Variants in SHROOM3 observed in about 807,000 individuals in gnomAD.
SHROOM3 encodes shroom family member 3, also known as protein Shroom3.
In SHROOM3, 47 loss-of-function variants were observed where a neutral mutation model predicts 138.6. The observed-to-expected ratio is 0.34, with a 90% confidence interval of 0.27 to 0.43. SHROOM3 has a LOEUF of 0.43. SHROOM3 is among the 20% of genes least tolerant of loss of function. SHROOM3 has a pLI of 1.00. For missense variants in SHROOM3, 2,491 were observed against 2,596.5 expected, an observed-to-expected ratio of 0.96 and a Z score of 0.88; for synonymous variants, 1,062 against 1,063.3, an observed-to-expected ratio of 1.00 and a Z score of 0.02.
intron 1 of SHROOM3, among the ~76,000 whole-genome samples, chr4:76,534,934 T>C (rs1249837684): frequency 2.6e-5 from 4 of 152,134 alleles, no homozygotes; most frequent in East Asian, 1.9e-4. Context: ...CCCAGATCCA[T>C]TTTTGCATGA....
At chr4:76,681,295 T>C (rs886618250) in intron 2 of SHROOM3, among the ~76,000 whole-genome samples, 9 of 152,132 alleles carry the variant, frequency 5.9e-5, no homozygotes, top group African/African-American at 2.2e-4. Flanking sequence ...AAATATCCTC[T>C]CCTCTGTTTG....
Position 76,779,230 on chromosome 4 carries a change from A to G in SHROOM3, c.*53A>G, listed in dbSNP as rs759848267. On this transcript the variant is annotated 3_prime_UTR_variant, in exon 11 of 11. Transcript: ENST00000296043. The stretch of plus-strand genomic sequence containing the variant: ...TCACTGTTTCTCTCAACACTATTTA[A>G]TCTGAAAAATGTTTCAGTACAAACC... The G allele has an allele frequency of 1.8e-4, 271 of 1,538,150 alleles. No individual in the cohort carries two copies. The highest frequency in any genetic ancestry group is 7.6e-4 in the Admixed American group (38 of 50,056).
chr4:76,776,018 T>C (rs938744774), intron 10 of SHROOM3, among the ~76,000 whole-genome samples: 4 of 152,168 alleles, frequency 2.6e-5, no homozygotes, highest in Non-Finnish European at 1.5e-5. Flanking sequence ...GATCAAATGA[T>C]AGATGTACTT....
chr4:76,441,086 GTTT>G (rs374530154), intron 1 of SHROOM3, among the ~76,000 whole-genome samples: 1 of 82,182 alleles, frequency 1.2e-5, no homozygotes, highest in Non-Finnish European at 2.2e-5. Context: ...AGTTCAATTT[GTTT>G]TTTTTTTTTT....
chr4:76,588,282 G>GA (rs1734191728), intron 2 of SHROOM3, among the ~76,000 whole-genome samples: 1 of 152,160 alleles, frequency 6.6e-6, no homozygotes, highest in Admixed American at 6.5e-5. Flanking sequence ...TTTATTCCAA[G>GA]AACAATATCA....
intron 2 of SHROOM3, chr4:76,587,387 CTT>C (rs1734177615): frequency 6.6e-6 from 1 of 152,018 alleles, no homozygotes; most frequent in South Asian, 2.1e-4. Flanking sequence ...GTAAAGTTCT[CTT>C]TATAAATCTA....
At chr4:76,650,548 TA>T in intron 2 of SHROOM3, among the ~76,000 whole-genome samples, 1 of 151,244 alleles carries the variant, frequency 6.6e-6, no homozygotes, top group East Asian at 1.9e-4. Context: ...TTTATTTATT[TA>T]TTTATTTATT....
intron 2 of SHROOM3, among the ~76,000 whole-genome samples, chr4:76,588,227 A>G (rs1055113784): frequency 1.3e-5 from 2 of 152,226 alleles, no homozygotes; most frequent in Admixed American, 1.3e-4. Context: ...GGCACTCCAA[A>G]TATGTAATTT....
intron 2 of SHROOM3, among the ~76,000 whole-genome samples, chr4:76,615,893 C>T (rs368750599): frequency 2.6e-5 from 4 of 152,118 alleles, no homozygotes; most frequent in African/African-American, 4.8e-5. Context: ...AGGAACTCCA[C>T]GCTAATCTCC....
chr4:76,544,323 C>T (rs989116922), intron 1 of SHROOM3, among the ~76,000 whole-genome samples: 5 of 151,612 alleles, frequency 3.3e-5, no homozygotes, highest in African/African-American at 4.9e-5. Context: ...ATTGCAACCA[C>T]GTGCTAATTC....
intron 1 of SHROOM3, among the ~76,000 whole-genome samples, chr4:76,498,071 C>A (rs1732006775): frequency 1.3e-5 from 2 of 152,100 alleles, no homozygotes; most frequent in Admixed American, 1.3e-4. Flanking sequence ...CCTTCTGTGT[C>A]AATTATAGTT....
At chr4:76,692,813 C>T (rs1468423695) in intron 2 of SHROOM3, among the ~76,000 whole-genome samples, 1 of 152,178 alleles carries the variant, frequency 6.6e-6, no homozygotes, top group Non-Finnish European at 1.5e-5. Flanking sequence ...TAATCTATGA[C>T]AGAAGTCAGT....
At chr4:76,594,712 A>G (rs1199701745) in intron 2 of SHROOM3, among the ~76,000 whole-genome samples, 1 of 152,222 alleles carries the variant, frequency 6.6e-6, no homozygotes, top group Non-Finnish European at 1.5e-5. Flanking sequence ...TGGGGAGGGA[A>G]CAGGGAACCA....
At chr4:76,527,633 GATTA>G (rs1372967708) in intron 1 of SHROOM3, among the ~76,000 whole-genome samples, 1 of 152,198 alleles carries the variant, frequency 6.6e-6, no homozygotes, top group African/African-American at 2.4e-5. Flanking sequence ...AAAAGAGATT[GATTA>G]ATTAAGCACT....
intron 2 of SHROOM3, among the ~76,000 whole-genome samples, chr4:76,666,347 CA>C (rs1226586158): frequency 6.6e-6 from 1 of 152,222 alleles, no homozygotes; most frequent in Non-Finnish European, 1.5e-5. Flanking sequence ...CGGCTCACTG[CA>C]GCCTCTACCT....
chr4:76,578,514 G>A (rs1733982555), intron 2 of SHROOM3, among the ~76,000 whole-genome samples: 1 of 152,178 alleles, frequency 6.6e-6, no homozygotes, highest in South Asian at 2.1e-4. Context: ...CTTTTTGGTT[G>A]TACCTTACTT....
chr4:76,594,254 T>C (rs1359773181), intron 2 of SHROOM3, among the ~76,000 whole-genome samples: 1 of 152,214 alleles, frequency 6.6e-6, no homozygotes, highest in African/African-American at 2.4e-5. Context: ...GTTGTAGCTC[T>C]CCTGTTGATT....
chr4:76,629,991 T>C (rs1302483212), intron 2 of SHROOM3, among the ~76,000 whole-genome samples: 2 of 152,124 alleles, frequency 1.3e-5, no homozygotes, highest in Admixed American at 6.5e-5. Flanking sequence ...GAAAGTCCCG[T>C]CTCAAGAAGT....
chr4:76,467,601 A>T lies in SHROOM3; in HGVS notation c.168+31381A>T, dbSNP rs541624324. 3.9e-5 allele frequency among the ~76,000 whole-genome samples: 6 copies of T among 152,142 alleles called. No individual in the cohort carries two copies. The South Asian group carries it at 1.2e-3, about 32-fold the overall frequency. On this transcript the variant is annotated intron_variant, in intron 1 of 10. Coordinates refer to ENST00000296043, the MANE Select transcript of SHROOM3 (RefSeq NM_020859.4). Reference sequence around the variant, plus strand: ...GCAAAGACCCAGGCTAGTGGTAATCACTCCCTATGTATTTTGCCAGTCCTA... The same window carrying T: ...GCAAAGACCCAGGCTAGTGGTAATCTCTCCCTATGTATTTTGCCAGTCCTA...
Sources: allele counts gnomAD v4.1 joint callset (sites outside exome capture counted in the v4.1 genomes callset), GRCh38; gene constraint gnomAD v4.1.1; transcripts MANE v1.5; gene names NCBI Gene and HGNC (gene_info 2026-07-23, HGNC 2026-07-21).